FCHSD2: variants seen among roughly 807,000 people sequenced by gnomAD.
FCHSD2 encodes F-BAR and double SH3 domains protein 2.
A neutral mutation model predicts 108.1 loss-of-function variants in FCHSD2; 38 were observed. The observed-to-expected ratio is 0.35, with a 90% CI of 0.27 to 0.46. The LOEUF (loss-of-function observed/expected upper bound fraction) is 0.46, where lower values mean the gene tolerates loss of function less well. FCHSD2 is among the 20% of genes least tolerant of loss of function. FCHSD2 has a pLI of 1.00. For synonymous variants in FCHSD2, 279 were observed against 314.7 expected, an observed-to-expected ratio of 0.89 and a Z score of 1.20; for missense variants, 751 against 897.8, an observed-to-expected ratio of 0.84 and a Z score of 2.09.
At chr11:72,981,081 G>C (rs1379976998) in intron 8 of FCHSD2, among the ~76,000 whole-genome samples, 1 of 152,174 alleles carries the variant, frequency 6.6e-6, no homozygotes, top group African/African-American at 2.4e-5. Context: ...CTAACAGCAT[G>C]ATTGATAGGA....
intron 2 of FCHSD2, among the ~76,000 whole-genome samples, chr11:73,131,342 C>T (rs1282988896): frequency 2.7e-5 from 4 of 150,836 alleles, no homozygotes; most frequent in African/African-American, 9.7e-5. Context: ...ACGGTGAAAC[C>T]CCCTCTCTAC....
At chr11:72,978,204 T>C (rs1449318143) in intron 8 of FCHSD2, among the ~76,000 whole-genome samples, 1 of 151,978 alleles carries the variant, frequency 6.6e-6, no homozygotes, top group African/African-American at 2.4e-5. Flanking sequence ...GAGATATACC[T>C]AATGTAAATG....
At chr11:73,131,792 C>T (rs144457320) in intron 2 of FCHSD2, among the ~76,000 whole-genome samples, 209 of 151,998 alleles carry the variant, frequency 1.4e-3, no homozygotes, top group African/African-American at 4.8e-3. Flanking sequence ...GAAAAAAATG[C>T]TGCCAATTAA....
At chr11:73,058,482 A>T (rs745765804) in intron 3 of FCHSD2, among the ~76,000 whole-genome samples, 8 of 152,232 alleles carry the variant, frequency 5.3e-5, no homozygotes, top group Non-Finnish European at 1.0e-4. Context: ...CATGATAGAA[A>T]GATACATAGT....
At chr11:73,077,097 C>CAAAAAAAAA (rs372641793) in intron 3 of FCHSD2, among the ~76,000 whole-genome samples, 2 of 72,468 alleles carry the variant, frequency 2.8e-5, no homozygotes, top group Admixed American at 1.6e-4. Flanking sequence ...GACTCTGTCT[C>CAAAAAAAAA]AAAAAAAAAA....
At chr11:72,883,710 T>A (rs548062516) in intron 12 of FCHSD2, among the ~76,000 whole-genome samples, 1 of 152,122 alleles carries the variant, frequency 6.6e-6, no homozygotes, top group African/African-American at 2.4e-5. Flanking sequence ...GGCAGGCAGA[T>A]TGCTTGACCC....
At chr11:72,956,885 C>A (rs1274034099) in intron 8 of FCHSD2, among the ~76,000 whole-genome samples, 1 of 151,344 alleles carries the variant, frequency 6.6e-6, no homozygotes, top group Admixed American at 6.6e-5. Flanking sequence ...ATATTAATAT[C>A]ACCAGGGGTG....
chr11:72,967,051 T>G (rs934464738), intron 8 of FCHSD2, among the ~76,000 whole-genome samples: 3 of 151,860 alleles, frequency 2.0e-5, no homozygotes, highest in Admixed American at 6.6e-5. Flanking sequence ...ATACAAAAAA[T>G]TAGCCGGGCC....
chr11:72,838,719 C>T lies in FCHSD2; in HGVS notation c.*72G>A. 1 of 1,261,516 alleles carries T rather than the reference C, an allele frequency of 7.9e-7. No homozygotes were observed. Among genetic ancestry groups the T allele is most frequent in the East Asian group, 2.5e-5 (1 of 39,740 alleles). 78.1% of individuals were successfully genotyped at this position (1,261,516 alleles called of 1,614,324 possible). A position where few individuals can be genotyped will look rare whatever the true frequency, so the allele number is the denominator to read the frequency against. On this transcript the variant is annotated 3_prime_UTR_variant, in exon 20 of 20. Transcript: ENST00000409418. ...CAAGAGTCATCATCATGCAAAGGTG[C>T]CTAAAAAACAAGACTGGCCAAACTC...
At chr11:72,866,572 A>G (rs925740344) in intron 13 of FCHSD2, among the ~76,000 whole-genome samples, 5 of 152,190 alleles carry the variant, frequency 3.3e-5, no homozygotes, top group Non-Finnish European at 4.4e-5. Context: ...GCACGGCCAG[A>G]GCAACTCTGT....
chr11:73,077,920 A>AT (rs916013396), intron 3 of FCHSD2, among the ~76,000 whole-genome samples: 2 of 152,142 alleles, frequency 1.3e-5, no homozygotes, highest in East Asian at 1.9e-4. Context: ...CAATAAAGCT[A>AT]TTTTTTTAAG....
intron 8 of FCHSD2, among the ~76,000 whole-genome samples, chr11:72,941,963 T>C (rs571124047): frequency 1.3e-5 from 2 of 152,238 alleles, no homozygotes; most frequent in Non-Finnish European, 2.9e-5. Context: ...GGCATATTAA[T>C]ATGATCAAAT....
intron 5 of FCHSD2, among the ~76,000 whole-genome samples, chr11:72,989,934 T>C (rs957489254): frequency 6.6e-6 from 1 of 152,238 alleles, no homozygotes; most frequent in East Asian, 1.9e-4. Flanking sequence ...TGAAGGACTA[T>C]TGTGCAAGGG....
At chr11:72,870,760 C>T (rs1195255166) in intron 12 of FCHSD2, among the ~76,000 whole-genome samples, 1 of 151,738 alleles carries the variant, frequency 6.6e-6, no homozygotes, top group Non-Finnish European at 1.5e-5. Flanking sequence ...ATTAGCTGGG[C>T]GTGGTGGCGG....
rs201956100 is a variant in FCHSD2 at position 72,978,176 on chromosome 11, G to A, written c.705+5912C>T. 1.2e-4 allele frequency among the ~76,000 whole-genome samples: 18 copies of A among 152,140 alleles called. 2 individuals are homozygous for A. In the East Asian group the frequency reaches 2.5e-3, roughly 21 times the overall value. On this transcript the variant is annotated intron_variant, in intron 8 of 19. Coordinates refer to ENST00000409418, the MANE Select transcript of FCHSD2 (RefSeq NM_014824.3). ...GGGCCTGTCATGGGGTGGGGGGAGC[G>A]GGGAGGGATAGCGTTAGGAGATATA...
intron 4 of FCHSD2, among the ~76,000 whole-genome samples, chr11:73,004,517 T>C (rs924860164): frequency 2.6e-5 from 4 of 152,180 alleles, no homozygotes; most frequent in African/African-American, 7.2e-5. Flanking sequence ...CCCCTTTCCA[T>C]TGTCTCTTGC....
rs192954128 is a variant in FCHSD2 at position 72,893,872 on chromosome 11, G to C, written c.925-3927C>G. Reference sequence around the variant, plus strand: ...AGGAAATCAGCATTCCAATATTCTTGATATATTAGTCTTTAAGTCATCTTA... The same window carrying C: ...AGGAAATCAGCATTCCAATATTCTTCATATATTAGTCTTTAAGTCATCTTA... On this transcript the variant is annotated intron_variant, in intron 10 of 19. Coordinates refer to ENST00000409418, the MANE Select transcript of FCHSD2 (RefSeq NM_014824.3). Among the ~76,000 whole-genome samples the C allele has an allele frequency of 7.2e-5, 11 of 152,124 alleles. No homozygotes were observed. In the East Asian group the frequency reaches 2.1e-3, roughly 29 times the overall value.
intron 14 of FCHSD2, among the ~76,000 whole-genome samples, chr11:72,846,516 A>G (rs969097500): frequency 6.6e-6 from 1 of 152,140 alleles, no homozygotes; most frequent in African/African-American, 2.4e-5. Flanking sequence ...GAGCGTCCCC[A>G]TAACACTGAC....
intron 3 of FCHSD2, among the ~76,000 whole-genome samples, chr11:73,035,387 C>T (rs1193527841): frequency 6.6e-6 from 1 of 152,016 alleles, no homozygotes; most frequent in Admixed American, 6.6e-5. Context: ...CGGCTGTTCT[C>T]GAACTCCTAA....
Sources: gnomAD v4.1 joint callset for allele counts (sites outside exome capture counted in the v4.1 genomes callset) on GRCh38, gnomAD v4.1.1 for gene constraint, MANE v1.5 for transcripts, NCBI Gene and HGNC (gene_info 2026-07-23, HGNC 2026-07-21) for gene names.